POT1: variants seen among roughly 807,000 people sequenced by gnomAD.
POT1 encodes protection of telomeres 1, also known as protection of telomeres protein 1.
Under a neutral mutation model 78.5 loss-of-function variants are expected in POT1, and 47 were observed. The observed-to-expected ratio is 0.60, with a 90% CI of 0.47 to 0.76. The LOEUF (loss-of-function observed/expected upper bound fraction) is 0.76. Ranked by LOEUF, POT1 falls within the 30% of genes least tolerant of loss-of-function variation. The probability of loss-of-function intolerance (pLI) is 0.00; values close to 1 mark genes in which losing one functional copy is unlikely to be tolerated. For synonymous variants in POT1, 259 were observed against 260.7 expected (o/e 0.99, Z 0.06); for missense variants, 646 against 749.9 (o/e 0.86, Z 1.62).
chr7:124,835,667 C>T (rs1301937608), intron 14 of POT1, among the ~76,000 whole-genome samples: 1 of 152,018 alleles, frequency 6.6e-6, no homozygotes, highest in African/African-American at 2.4e-5. Context: ...TAAATTTAAA[C>T]AAATTGCTCT....
At chr7:124,925,916 T>C (rs1385802394) in intron 2 of POT1, among the ~76,000 whole-genome samples, 2 of 151,256 alleles carry the variant, frequency 1.3e-5, no homozygotes, top group East Asian at 3.9e-4. Flanking sequence ...TGCAGAAGAG[T>C]GAAACTGGAA....
At chr7:124,914,974 CCTTAA>C (rs1796983313) in intron 3 of POT1, among the ~76,000 whole-genome samples, 1 of 152,134 alleles carries the variant, frequency 6.6e-6, no homozygotes, top group East Asian at 1.9e-4. Context: ...TGCTCTACCA[CCTTAA>C]CTTGCTTTTT....
chr7:124,904,582 G>C (rs1192069584), intron 3 of POT1, among the ~76,000 whole-genome samples: 3 of 152,202 alleles, frequency 2.0e-5, no homozygotes, highest in African/African-American at 7.2e-5. Flanking sequence ...TTGAAAACTG[G>C]CACAAGACAG....
chr7:124,825,423 A>G lies in POT1; in HGVS notation c.1687-66T>C. ...TTAATCCTTTTTAATGTTATTATTA[A>G]CACATATTTCAATATTGTCCAATTA... On this transcript the variant is annotated intron_variant, in intron 17 of 18. Transcript: ENST00000357628. The G allele has an allele frequency of 3.1e-6, 3 of 966,282 alleles. No individual in the cohort carries two copies. The Admixed American group carries it at 6.6e-5, about 21-fold the overall frequency. The allele number at this position is 966,282 out of a possible 1,614,324, so 59.9% of individuals were successfully genotyped here. A position where few individuals can be genotyped will look rare whatever the true frequency, so the allele number is the denominator to read the frequency against.
intron 6 of POT1, among the ~76,000 whole-genome samples, chr7:124,871,919 G>A (rs1795880681): frequency 6.6e-6 from 1 of 151,966 alleles, no homozygotes; most frequent in South Asian, 2.1e-4. Flanking sequence ...TTTCAAGAAT[G>A]CAACATATTT....
At chr7:124,927,600 T>C (rs1043396689) in intron 2 of POT1, among the ~76,000 whole-genome samples, 2 of 152,178 alleles carry the variant, frequency 1.3e-5, no homozygotes, top group African/African-American at 4.8e-5. Context: ...TACTTATTCA[T>C]ACTACTTTCT....
At chr7:124,837,607 T>G (rs1794929371) in intron 14 of POT1, among the ~76,000 whole-genome samples, 1 of 151,946 alleles carries the variant, frequency 6.6e-6, no homozygotes, top group South Asian at 2.1e-4. Context: ...GTCACCAGGC[T>G]CAGATTGTTT....
intron 14 of POT1, among the ~76,000 whole-genome samples, chr7:124,835,915 CTA>C (rs1442999244): frequency 6.6e-6 from 1 of 152,136 alleles, no homozygotes; most frequent in Non-Finnish European, 1.5e-5. Flanking sequence ...ACAGTTAATT[CTA>C]TGACAGAGTA....
chr7:124,884,243 A>G (rs185398427), intron 6 of POT1, among the ~76,000 whole-genome samples: 1 of 152,202 alleles, frequency 6.6e-6, no homozygotes, highest in East Asian at 1.9e-4. Context: ...AGGAAAAGAA[A>G]AAAATGTTAG....
chr7:124,911,383 CTGA>C (rs1563019094), intron 3 of POT1, among the ~76,000 whole-genome samples: 1 of 152,078 alleles, frequency 6.6e-6, no homozygotes. Flanking sequence ...GTGTCCTTCC[CTGA>C]TGACTGTCAA....
intron 6 of POT1, 41 bp downstream of exon 6, chr7:124,892,225 G>GCA: frequency 8.3e-7 from 1 of 1,199,168 alleles, no homozygotes; most frequent in Non-Finnish European, 1.2e-6. Flanking sequence ...AATCAATAAT[G>GCA]CATTTCCACT....
intron 12 of POT1, among the ~76,000 whole-genome samples, chr7:124,846,611 T>C (rs1328745160): frequency 5.9e-5 from 9 of 152,020 alleles, no homozygotes; most frequent in Non-Finnish European, 1.3e-4. Flanking sequence ...ATATGTGTCT[T>C]TACATTGCAC....
At chr7:124,847,643 G>T (rs531222342) in intron 11 of POT1, among the ~76,000 whole-genome samples, 2 of 152,252 alleles carry the variant, frequency 1.3e-5, no homozygotes, top group African/African-American at 4.8e-5. Context: ...ATGACTTCAA[G>T]ACTTACTATA....
At chr7:124,839,323 T>C (rs1794971141) in intron 14 of POT1, among the ~76,000 whole-genome samples, 1 of 152,190 alleles carries the variant, frequency 6.6e-6, no homozygotes, top group Non-Finnish European at 1.5e-5. Flanking sequence ...GGTGGGTACA[T>C]GGTATTCTGC....
chr7:124,861,352 C>A (rs1027382293), intron 8 of POT1, among the ~76,000 whole-genome samples: 8 of 152,208 alleles, frequency 5.3e-5, no homozygotes, highest in African/African-American at 1.9e-4. Context: ...TCTGTAATGA[C>A]CAGTGATTAT....
chr7:124,833,979 T>C (rs1171710522), intron 15 of POT1, among the ~76,000 whole-genome samples: 1 of 152,194 alleles, frequency 6.6e-6, no homozygotes, highest in East Asian at 1.9e-4. Context: ...CATCTGATCT[T>C]TGACAAACCT....
chr7:124,857,453 A>G (rs1795473318), intron 9 of POT1, among the ~76,000 whole-genome samples: 1 of 152,198 alleles, frequency 6.6e-6, no homozygotes, highest in African/African-American at 2.4e-5. Flanking sequence ...TTTCCTGCTC[A>G]AATGTTGCCT....
rs2116526346 is a variant in POT1, at chr7:124,859,077, C to G, written c.582G>C (p.Trp194Cys). 6.2e-7 allele frequency: 1 copy of G among 1,604,586 alleles called. No homozygotes were observed. Among genetic ancestry groups the G allele is most frequent in the Non-Finnish European group, 8.5e-7 (1 of 1,174,374 alleles). The change falls in exon 9 of 19, where the codon TGG becomes TGC. Residue 194 changes from tryptophan (W) to cysteine (C), a missense_variant. Around this residue, in one of 2 missense-constraint regions of POT1, gnomAD observed 252 missense variants for 341.4 expected, o/e 0.74. Coordinates refer to ENST00000357628, the MANE Select transcript of POT1 (RefSeq NM_015450.3). ...WDGTRTPFPS[W>C]RVLIQDLVLE... ...GAACAAGGTCTTGTATTAAGACTCT[C>G]CAAGATGGAAATGGTGTCCTGGTGC... is the stretch of plus-strand genomic sequence containing the variant.
intron 6 of POT1, among the ~76,000 whole-genome samples, chr7:124,889,582 C>G (rs1230976730): frequency 6.6e-6 from 1 of 151,992 alleles, no homozygotes; most frequent in African/African-American, 2.4e-5. Context: ...GAAGTCAATG[C>G]CTGCCTTCAA....
Sources: allele counts gnomAD v4.1 joint callset (sites outside exome capture counted in the v4.1 genomes callset), GRCh38; gene constraint gnomAD v4.1.1; regional missense constraint gnomAD v4.1.1; transcripts MANE v1.5; gene names NCBI Gene and HGNC (gene_info 2026-07-23, HGNC 2026-07-21).